PRKG1: variants seen among roughly 807,000 people sequenced by gnomAD.
The protein encoded by PRKG1 is protein kinase cGMP-dependent 1.
PRKG1 carries 35 observed loss-of-function variants against 88.1 expected under a neutral mutation model. The ratio of observed to expected loss-of-function variants is 0.40; its 90% CI spans 0.30 to 0.53. The LOEUF is 0.53. PRKG1 is among the 20% of genes least tolerant of loss of function. PRKG1 has a pLI of 0.59. For missense variants in PRKG1, 540 were observed against 839.8 expected (o/e 0.64, Z 4.41); for synonymous variants, 303 against 292.5 (o/e 1.04, Z -0.37).
At chr10:51,530,708 C>T (rs912774128) in intron 3 of PRKG1, among the ~76,000 whole-genome samples, 4 of 152,284 alleles carry the variant, frequency 2.6e-5, no homozygotes, top group Middle Eastern at 3.4e-3. Context: ...TTTTCCATCT[C>T]CAGTGAGGCT....
chr10:51,735,903 T>A (rs1837262476), intron 3 of PRKG1, among the ~76,000 whole-genome samples: 1 of 146,030 alleles, frequency 6.8e-6, no homozygotes, highest in African/African-American at 2.5e-5. Flanking sequence ...ATTTATTTAT[T>A]TATTTTTCCC....
At chr10:51,749,954 G>A (rs879385800) in intron 3 of PRKG1, among the ~76,000 whole-genome samples, 1 of 84,942 alleles carries the variant, frequency 1.2e-5, no homozygotes, top group Admixed American at 1.4e-4. Context: ...TTTTTTTCCT[G>A]TGACAGAGTC....
intron 3 of PRKG1, among the ~76,000 whole-genome samples, chr10:51,629,711 G>T (rs916498962): frequency 4.6e-5 from 7 of 152,142 alleles, no homozygotes; most frequent in African/African-American, 1.7e-4. Flanking sequence ...TCAAGCAATT[G>T]ACCCTCTTCT....
intron 10 of PRKG1, among the ~76,000 whole-genome samples, chr10:52,263,845 A>G (rs1313014303): frequency 1.3e-5 from 2 of 152,096 alleles, no homozygotes; most frequent in Admixed American, 1.3e-4. Context: ...TGCTGGCATT[A>G]CAGGTGTAAA....
At chr10:51,948,061 A>T (rs1165933289) in intron 5 of PRKG1, among the ~76,000 whole-genome samples, 1 of 151,974 alleles carries the variant, frequency 6.6e-6, no homozygotes, top group Non-Finnish European at 1.5e-5. Context: ...AATGGTATTT[A>T]TTTTTTTCAT....
At chr10:51,767,349 C>CTA (rs1204475315) in intron 3 of PRKG1, among the ~76,000 whole-genome samples, 9 of 151,498 alleles carry the variant, frequency 5.9e-5, no homozygotes, top group African/African-American at 1.5e-4. Context: ...CTCTCTCTCT[C>CTA]TATATAAATG....
Position 52,288,788 on chromosome 10 carries a change from T to G in PRKG1, c.1772T>G (p.Met591Arg). The G allele has an allele frequency of 6.2e-7, 1 of 1,607,758 alleles. No individual in the cohort carries two copies. The highest frequency in any genetic ancestry group is 1.1e-5 in the South Asian group (1 of 89,490). Residue 591 changes from methionine (M) to arginine (R), a missense_variant, in exon 15 of 18, where the codon ATG becomes AGG. Coordinates refer to ENST00000373980, the MANE Select transcript of PRKG1 (RefSeq NM_006258.4). ...TYNIILRGID[M>R]IEFPKKIAKN... The stretch of plus-strand genomic sequence containing the variant: ...AACATCATATTGAGGGGGATTGACA[T>G]GATAGAATTTCCAAAGAAGATTGCC...
chr10:51,418,985 A>G (rs1019759705), intron 2 of PRKG1, among the ~76,000 whole-genome samples: 5 of 152,164 alleles, frequency 3.3e-5, no homozygotes, highest in African/African-American at 9.7e-5. Flanking sequence ...TTTTTTCAGT[A>G]TTCAAATATG....
At chr10:51,510,574 G>T (rs1341377337) in intron 3 of PRKG1, among the ~76,000 whole-genome samples, 1 of 151,976 alleles carries the variant, frequency 6.6e-6, no homozygotes, top group Non-Finnish European at 1.5e-5. Flanking sequence ...TTCAAGAAAT[G>T]ATCTGAATTA....
intron 2 of PRKG1, among the ~76,000 whole-genome samples, chr10:51,171,547 G>T (rs1250388551): frequency 6.6e-6 from 1 of 152,066 alleles, no homozygotes; most frequent in Non-Finnish European, 1.5e-5. Flanking sequence ...TATGGGAAGG[G>T]AAGAAAGATA....
intron 2 of PRKG1, among the ~76,000 whole-genome samples, chr10:51,325,063 G>A (rs998948043): frequency 9.2e-5 from 14 of 152,132 alleles, no homozygotes; most frequent in Middle Eastern, 3.4e-3. Context: ...TCTTTTTATA[G>A]CCATTCGAAC....
At chr10:52,226,795 G>GA (rs140809161) in intron 9 of PRKG1, among the ~76,000 whole-genome samples, 19,950 of 150,666 alleles carry the variant, frequency 0.13, 2,380 homozygotes, top group African/African-American at 0.32. Flanking sequence ...AAAATCCATG[G>GA]AAAAAAAAAT....
At position 52,032,790 on chromosome 10, in the gene PRKG1, T is replaced by G. The variant is rs949972211; in HGVS notation, c.763-21694T>G. Among the ~76,000 whole-genome samples, 5 of 152,168 alleles carry G rather than the reference T, an allele frequency of 3.3e-5. No homozygotes were observed. In the South Asian group the frequency reaches 1.0e-3, roughly 31 times the overall value. On this transcript the variant is annotated intron_variant, in intron 5 of 17. Transcript: ENST00000373980. ...ACAGTAACCACGTTCTAAAAATCTG[T>G]GATCACTACACTTGCTGAATTGGAC...
chr10:52,106,950 A>T (rs1021303371), intron 7 of PRKG1, among the ~76,000 whole-genome samples: 5 of 152,138 alleles, frequency 3.3e-5, no homozygotes, highest in African/African-American at 1.2e-4. Context: ...AAATACTTGC[A>T]CAGCTGATCT....
At chr10:52,266,641 G>A (rs375908204) in intron 10 of PRKG1, among the ~76,000 whole-genome samples, 1 of 151,816 alleles carries the variant, frequency 6.6e-6, no homozygotes, top group Non-Finnish European at 1.5e-5. Context: ...GGTTGCAGTC[G>A]GAACAAAGAA....
chr10:52,170,513 C>A (rs752679765), intron 9 of PRKG1, among the ~76,000 whole-genome samples: 1 of 152,078 alleles, frequency 6.6e-6, no homozygotes, highest in Admixed American at 6.5e-5. Flanking sequence ...GGCTGGCTCT[C>A]GCTTATTGCC....
chr10:51,035,242 C>G (rs921029658), intron 1 of PRKG1, among the ~76,000 whole-genome samples: 1 of 152,090 alleles, frequency 6.6e-6, no homozygotes, highest in East Asian at 1.9e-4. Context: ...CTGTTTAATT[C>G]ATAGGGTTAT....
intron 3 of PRKG1, chr10:51,697,950 G>T: frequency 6.3e-7 from 1 of 1,598,714 alleles, no homozygotes; most frequent in Non-Finnish European, 8.5e-7. Context: ...CTGACTCCTT[G>T]TATGCCTGCC....
intron 3 of PRKG1, among the ~76,000 whole-genome samples, chr10:51,708,759 G>T (rs1841670977): frequency 6.6e-6 from 1 of 152,176 alleles, no homozygotes; most frequent in South Asian, 2.1e-4. Context: ...GTCTGCTGGG[G>T]CCGGGTAGTC....
Sources: gnomAD v4.1 joint callset for allele counts (sites outside exome capture counted in the v4.1 genomes callset) on GRCh38, gnomAD v4.1.1 for gene constraint, MANE v1.5 for transcripts, NCBI Gene and HGNC (gene_info 2026-07-23, HGNC 2026-07-21) for gene names.